The following ACVRL1 variants were observed in gnomAD, a reference collection of about 807,000 sequenced individuals.
ACVRL1 encodes the protein activin A receptor like type 1, also known as activin receptor type-1-like.
ACVRL1 carries 20 observed loss-of-function variants against 51.9 expected under a neutral mutation model. That is an observed-to-expected ratio of 0.39 (90% CI 0.27 to 0.56). The LOEUF (loss-of-function observed/expected upper bound fraction) is 0.56, where lower values mean the gene tolerates loss of function less well. Ranked by LOEUF, ACVRL1 falls within the 20% of genes least tolerant of loss-of-function variation. The probability of loss-of-function intolerance (pLI) is 0.67; values close to 1 mark genes in which losing one functional copy is unlikely to be tolerated. For synonymous variants in ACVRL1, 288 were observed against 280.9 expected (o/e 1.03, Z -0.25); for missense variants, 451 against 670.3 (o/e 0.67, Z 3.61).
At chr12:51,919,440 G>T (rs1303775173) in intron 9 of ACVRL1, 2 of 405,766 alleles carry the variant, frequency 4.9e-6, no homozygotes, top group Admixed American at 7.2e-5. Flanking sequence ...TTGTCACCCA[G>T]GCTGGGGTGC....
chr12:51,920,939 T>TGGGGGGGGGGGGG lies in ACVRL1; in HGVS notation c.*52_*53insGGGGGGGGGGGGG. 2.3e-5 allele frequency: 6 copies of TGGGGGGGGGGGGG among 262,662 alleles called. No individual in the cohort carries two copies. Among genetic ancestry groups the TGGGGGGGGGGGGG allele is most frequent in the South Asian group, 2.8e-5 (1 of 35,532 alleles). The allele number at this position is 262,662 out of a possible 1,614,324, so 16.3% of individuals were successfully genotyped here. On this transcript the variant is annotated 3_prime_UTR_variant, in exon 10 of 10. Coordinates refer to ENST00000388922, the MANE Select transcript of ACVRL1 (RefSeq NM_000020.3). ...TTCTGCCTGCAGGGGGCTGGGGGGG[T>TGGGGGGGGGGGGG]GGGGGGCAGTGGATGGTGCCCTATC...
chr12:51,920,759 G>A lies in ACVRL1; in HGVS notation c.1378G>A (p.Val460Ile), dbSNP rs768781558. 3 of 1,613,360 alleles carry A rather than the reference G, an allele frequency of 1.9e-6. No individual in the cohort carries two copies. Among genetic ancestry groups the A allele is most frequent in the Non-Finnish European group, 2.5e-6 (3 of 1,179,958 alleles). The change falls in exon 10 of 10, where the codon GTC becomes ATC. Residue 460 changes from valine to isoleucine, a missense_variant and splice_region_variant. Coordinates refer to ENST00000388922, the MANE Select transcript of ACVRL1 (RefSeq NM_000020.3). ...TCTGCACCTCTCTCCCAACCCCCAGGTCCTCTCAGGCCTAGCTCAGATGAT... is the reference window on the plus strand; with the variant it reads ...TCTGCACCTCTCTCCCAACCCCCAGATCCTCTCAGGCCTAGCTCAGATGAT... ...TIPNRLAADP[V>I]LSGLAQMMRE...
At chr12:51,914,405 G>C (rs1940779332) in intron 5 of ACVRL1, 34 bp from the exon 6 acceptor site, 1 of 1,613,996 alleles carries the variant, frequency 6.2e-7, no homozygotes, top group Non-Finnish European at 8.5e-7. Flanking sequence ...TGTGTGCCCA[G>C]TGTGTAACCC....
In ACVRL1 at chr12:51,914,542, T is replaced by C; in HGVS notation, c.729T>C (p.Thr243=). Residue 243 remains threonine, a synonymous_variant, in exon 6 of 10, where the codon ACT becomes ACC. Coordinates refer to ENST00000388922, the MANE Select transcript of ACVRL1 (RefSeq NM_000020.3). ...ATGAACAGTCCTGGTTCCGGGAGACTGAGATCTATAACACAGTGTTGCTCA... is the reference window on the plus strand; with the variant it reads ...ATGAACAGTCCTGGTTCCGGGAGACCGAGATCTATAACACAGTGTTGCTCA... ...SRDEQSWFRE[T]EIYNTVLLRH... 1 of 1,613,706 alleles carries C rather than the reference T, an allele frequency of 6.2e-7. No individual in the cohort carries two copies. The highest frequency in any genetic ancestry group is 8.5e-7 in the Non-Finnish European group (1 of 1,179,836).
rs115274120 is a variant in ACVRL1, at chr12:51,917,378, A to G, written c.1246+1145A>G. On this transcript the variant is annotated intron_variant, in intron 8 of 9. Transcript: ENST00000388922. The surrounding 1 kb of genome is among the most constrained non-coding windows in gnomAD (Gnocchi z 4.2). Reference sequence around the variant, plus strand: ...TTTAGAGGGACTGCGACAGGTAGAGAGACCTGCCCTGGGCAGGCAGCCCTG... The same window carrying G: ...TTTAGAGGGACTGCGACAGGTAGAGGGACCTGCCCTGGGCAGGCAGCCCTG... Among the ~76,000 whole-genome samples, 1,361 of 152,342 alleles carry G rather than the reference A, an allele frequency of 8.9e-3. 21 individuals carry two copies. The highest frequency in any genetic ancestry group is 0.031 in the African/African-American group (1,299 of 41,582).
intron 3 of ACVRL1, 47 bp downstream of exon 3, chr12:51,913,397 G>GCCCTCCCTT: frequency 1.9e-6 from 3 of 1,574,526 alleles, no homozygotes; most frequent in Non-Finnish European, 2.6e-6. Context: ...CTTGGCCCCT[G>GCCCTCCCTT]CCCTCCCTTC....
In ACVRL1 at chr12:51,913,087, T is replaced by C. The variant is rs1344985340; in HGVS notation, c.62-12T>C. ...GGGACCACAGTGGCTGAGCTTCCGG[T>C]GTGTCTTCCAGGAGACCCTGTGAAG... On this transcript the variant is annotated splice_polypyrimidine_tract_variant and intron_variant, in intron 2 of 9. Transcript: ENST00000388922. 1 of 1,599,660 alleles carries C rather than the reference T, an allele frequency of 6.3e-7. No individual in the cohort carries two copies.
At chr12:51,919,707 G>A (rs1940924851) in intron 9 of ACVRL1, among the ~76,000 whole-genome samples, 2 of 152,154 alleles carry the variant, frequency 1.3e-5, no homozygotes, top group Non-Finnish European at 2.9e-5. Context: ...TGGTATTTTT[G>A]TTGCTATTTG....
In ACVRL1 at chr12:51,916,267, G is replaced by A. The variant is rs1431625162; in HGVS notation, c.1246+34G>A. On this transcript the variant is annotated intron_variant, in intron 8 of 9. Transcript: ENST00000388922. ...CCACCCTACACAGGGTAGGGAAAGG[G>A]GAATCAGCCTGTGGAGCCAGGGGCT... The A allele has an allele frequency of 1.9e-6, 3 of 1,606,812 alleles. No individual in the cohort carries two copies. In the East Asian group the frequency reaches 6.7e-5, roughly 36 times the overall value.
At position 51,908,522 on chromosome 12, in the gene ACVRL1, T is replaced by A. The variant is rs531667878; in HGVS notation, c.-6+827T>A. ...TATGTAGACACTTAGATATATATATTTTTTCTCATGTAATCCTGGCCGCAA... is the reference window on the plus strand; with the variant it reads ...TATGTAGACACTTAGATATATATATATTTTCTCATGTAATCCTGGCCGCAA... On this transcript the variant is annotated intron_variant, in intron 1 of 9. Transcript: ENST00000388922. 2.6e-5 allele frequency among the ~76,000 whole-genome samples: 4 copies of A among 152,138 alleles called. No individual in the cohort carries two copies. In the South Asian group the frequency reaches 6.2e-4, roughly 24 times the overall value.
At position 51,915,082 on chromosome 12, in the gene ACVRL1, A is replaced by G. The variant is rs1013461894; in HGVS notation, c.773-143A>G. ...TGACTCCAGCTCTGTCTCTGACCTA[A>G]GCCACATCAACCCCCACCCCCAGAC... On this transcript the variant is annotated intron_variant, in intron 6 of 9. Transcript: ENST00000388922. 58 of 929,298 alleles carry G rather than the reference A, an allele frequency of 6.2e-5. 1 individual carries two copies. The South Asian group carries it at 8.3e-4, about 13-fold the overall frequency. 57.6% of individuals were successfully genotyped at this position (929,298 alleles called of 1,614,324 possible).
chr12:51,912,210 G>A, intron 1 of ACVRL1: 1 of 611,172 alleles, frequency 1.6e-6, no homozygotes, highest in Non-Finnish European at 2.9e-6. Context: ...GGAGTGCAGA[G>A]CTAGGGTTTC....
chr12:51,910,602 T>C (rs1162109046), intron 1 of ACVRL1, among the ~76,000 whole-genome samples: 1 of 152,170 alleles, frequency 6.6e-6, no homozygotes, highest in East Asian at 1.9e-4. Context: ...AGCCTTATTG[T>C]TAGCCACTTT....
In ACVRL1 at chr12:51,920,942, G is replaced by GGGGGGGCC; in HGVS notation, c.*52_*53insGGGCCGGG. 1 of 629,042 alleles carries GGGGGGGCC rather than the reference G, an allele frequency of 1.6e-6. No homozygotes were observed. Among genetic ancestry groups the GGGGGGGCC allele is most frequent in the Non-Finnish European group, 2.9e-6 (1 of 341,658 alleles). 39.0% of individuals were successfully genotyped at this position (629,042 alleles called of 1,614,324 possible). On this transcript the variant is annotated 3_prime_UTR_variant, in exon 10 of 10. Transcript: ENST00000388922. ...TGCCTGCAGGGGGCTGGGGGGGTGG[G>GGGGGGGCC]GGGCAGTGGATGGTGCCCTATCTGG...
chr12:51,907,467 A>G (rs1174693785), upstream of ACVRL1: 1 of 152,094 alleles, frequency 6.6e-6, no homozygotes, highest in African/African-American at 2.4e-5. This position sits in a 1 kb window ranked among gnomAD's most constrained non-coding sequence, Gnocchi z 4.5. Context: ...AGGCAGGAAG[A>G]CGCTGGAATA....
rs781770577 is a variant in ACVRL1, at chr12:51,916,215, C to T, written c.1228C>T (p.Arg410Cys). Residue 410 changes from arginine to cysteine, a missense_variant, in exon 8 of 10, where the codon CGC becomes TGC. By Grantham distance (180) the Arg-to-Cys change is radical. This residue lies in a region of ACVRL1 where 259 missense variants were observed against 453.4 expected (regional missense o/e 0.57). Transcript: ENST00000388922. The part of the protein sequence containing the change: ...AFGLVLWEIA[R>C]RTIVNGIVED... Reference sequence around the variant, plus strand: ...TGGCCTGGTGCTGTGGGAGATTGCCCGCCGGACCATCGTGAATGGTGAGGG... The same window carrying T: ...TGGCCTGGTGCTGTGGGAGATTGCCTGCCGGACCATCGTGAATGGTGAGGG... 3.8e-5 allele frequency: 62 copies of T among 1,613,972 alleles called. No individual in the cohort carries two copies. Among genetic ancestry groups the T allele is most frequent in the Admixed American group, 6.7e-5 (4 of 60,002 alleles).
chr12:51,920,723 GCCTCCTCTCCTCTGCA>G lies in ACVRL1; in HGVS notation c.1378-31_1378-16del, dbSNP rs760270313. 3 of 1,610,020 alleles carry G rather than the reference GCCTCCTCTCCTCTGCA, an allele frequency of 1.9e-6. No individual in the cohort carries two copies. In the South Asian group the frequency reaches 3.3e-5, roughly 18 times the overall value. On this transcript the variant is annotated intron_variant, in intron 9 of 9. Coordinates refer to ENST00000388922, the MANE Select transcript of ACVRL1 (RefSeq NM_000020.3). ...TCCTCTTCTCTGCATCTCTCTCTCT[GCCTCCTCTCCTCTGCA>G]CCTCTCTCCCAACCCCCAGGTCCTC...
In ACVRL1 at chr12:51,921,034, C is replaced by T. The variant is rs1455092632; in HGVS notation, c.*141C>T. 6 of 1,027,652 alleles carry T rather than the reference C, an allele frequency of 5.8e-6. No individual in the cohort carries two copies. Among genetic ancestry groups the T allele is most frequent in the Non-Finnish European group, 8.7e-6 (6 of 692,476 alleles). 63.7% of individuals were successfully genotyped at this position (1,027,652 alleles called of 1,614,324 possible). On this transcript the variant is annotated 3_prime_UTR_variant, in exon 10 of 10. Transcript: ENST00000388922. ...CTGCGCCTGCCTGCTCGGCCCCCAG[C>T]CCACCCAGCCAAAAATACAGCTGGG...
chr12:51,914,192 T>C (rs756122456), intron 5 of ACVRL1, 119 bp downstream of exon 5: 180 of 937,346 alleles, frequency 1.9e-4, no homozygotes, highest in Non-Finnish European at 2.7e-4. Flanking sequence ...GAATTGGAAT[T>C]CTGCTGGGCA....
Sources: allele counts gnomAD v4.1 joint callset (sites outside exome capture counted in the v4.1 genomes callset), GRCh38; gene constraint gnomAD v4.1.1; regional missense constraint gnomAD v4.1.1; non-coding constraint Gnocchi (gnomAD v3.1); transcripts MANE v1.5; gene names NCBI Gene and HGNC (gene_info 2026-07-23, HGNC 2026-07-21).